Variants in RGS5 observed in about 807,000 individuals in gnomAD.
The protein encoded by RGS5 is regulator of G-protein signalling 5.
Under a neutral mutation model 18.9 loss-of-function variants are expected in RGS5, and 20 were observed. The ratio of observed to expected loss-of-function variants is 1.06; its 90% CI spans 0.74 to 1.54. RGS5 has a LOEUF of 1.54. Among genes scored for constraint, RGS5 ranks in the 40% most tolerant of loss-of-function variants. The probability of loss-of-function intolerance (pLI) is 0.00; values close to 1 mark genes in which losing one functional copy is unlikely to be tolerated. For synonymous variants in RGS5, 57 were observed against 76.2 expected, an observed-to-expected ratio of 0.75 and a Z score of 1.31; for missense variants, 201 against 211.8, an observed-to-expected ratio of 0.95 and a Z score of 0.32.
chr1:163,270,935 A>G (rs773331574), intron 2 of RGS5, among the ~76,000 whole-genome samples: 21 of 152,168 alleles, frequency 1.4e-4, no homozygotes, highest in Non-Finnish European at 2.6e-4. Flanking sequence ...GGTTTTTTAA[A>G]GCTTTTTAAA....
intron 2 of RGS5, among the ~76,000 whole-genome samples, chr1:163,305,919 C>A (rs1649685221): frequency 6.6e-6 from 1 of 152,180 alleles, no homozygotes; most frequent in South Asian, 2.1e-4. Context: ...CTGCTGCTGG[C>A]ATATAGCTAC....
chr1:163,279,597 C>T (rs2101717608), intron 2 of RGS5, among the ~76,000 whole-genome samples: 1 of 151,886 alleles, frequency 6.6e-6, no homozygotes, highest in South Asian at 2.1e-4. Context: ...AACAAGGCAC[C>T]TCAAGGGATC....
chr1:163,172,457 C>A, intron 1 of RGS5: 1 of 1,346,836 alleles, frequency 7.4e-7, no homozygotes, highest in Non-Finnish European at 1.0e-6. Flanking sequence ...TATATCACTG[C>A]TTAAATAGAG....
At chr1:163,213,713 G>A (rs1009975362) in intron 1 of RGS5, among the ~76,000 whole-genome samples, 5 of 152,040 alleles carry the variant, frequency 3.3e-5, no homozygotes, top group Non-Finnish European at 7.4e-5. Context: ...TTCCTCCTAC[G>A]CTCCAAGAAC....
chr1:163,288,879 G>T (rs1649210957), intron 2 of RGS5, among the ~76,000 whole-genome samples: 1 of 152,084 alleles, frequency 6.6e-6, no homozygotes, highest in Non-Finnish European at 1.5e-5. Context: ...AACACCATCT[G>T]TACTCAATTA....
chr1:163,183,646 G>A (rs541515886), intron 1 of RGS5, among the ~76,000 whole-genome samples: 1 of 152,158 alleles, frequency 6.6e-6, no homozygotes, highest in Non-Finnish European at 1.5e-5. Flanking sequence ...ATTATGCTAA[G>A]AATTAAATTA....
At chr1:163,279,008 A>G (rs372636368) in intron 2 of RGS5, among the ~76,000 whole-genome samples, 4 of 152,194 alleles carry the variant, frequency 2.6e-5, no homozygotes, top group African/African-American at 9.6e-5. Flanking sequence ...AAATACATGC[A>G]TCCAGAGATA....
At chr1:163,158,460 C>T (rs1054119396) in intron 3 of RGS5, among the ~76,000 whole-genome samples, 1 of 152,016 alleles carries the variant, frequency 6.6e-6, no homozygotes, top group African/African-American at 2.4e-5. Flanking sequence ...TTCTATTTTC[C>T]CTAAGTGTCA....
chr1:163,164,816 G>T (rs919567647), intron 2 of RGS5, among the ~76,000 whole-genome samples: 2 of 152,140 alleles, frequency 1.3e-5, no homozygotes, highest in African/African-American at 4.8e-5. Flanking sequence ...TTTTTTGTTT[G>T]TTTTTGTTTT....
intron 2 of RGS5, chr1:163,267,372 C>T (rs1648596934): frequency 6.6e-6 from 1 of 152,082 alleles, no homozygotes; most frequent in African/African-American, 2.4e-5. Context: ...GTTGGTTAAG[C>T]CACTCAGTCT....
At chr1:163,316,242 T>C (rs947186141) in intron 1 of RGS5, among the ~76,000 whole-genome samples, 9 of 152,334 alleles carry the variant, frequency 5.9e-5, no homozygotes, top group South Asian at 2.1e-4. Context: ...TGTTGGCTGA[T>C]AGGAGAGACG....
chr1:163,301,433 A>G (rs1649547643), intron 2 of RGS5, among the ~76,000 whole-genome samples: 1 of 152,124 alleles, frequency 6.6e-6, no homozygotes, highest in Non-Finnish European at 1.5e-5. Flanking sequence ...CTTGGGTTCA[A>G]GTGGTCATCC....
chr1:163,264,847 T>G (rs142194160), intron 2 of RGS5, among the ~76,000 whole-genome samples: 229 of 152,216 alleles, frequency 1.5e-3, no homozygotes, highest in African/African-American at 5.2e-3. Context: ...GATGACTTCT[T>G]TTTCTAGCCA....
intron 3 of RGS5, among the ~76,000 whole-genome samples, chr1:163,153,017 A>C (rs2102383990): frequency 6.6e-6 from 1 of 152,338 alleles, no homozygotes; most frequent in South Asian, 2.1e-4. Flanking sequence ...ATGTCTATTT[A>C]AGTGACAAAC....
intron 1 of RGS5, among the ~76,000 whole-genome samples, chr1:163,173,242 T>C (rs1282216274): frequency 2.0e-5 from 3 of 152,236 alleles, no homozygotes; most frequent in Admixed American, 6.5e-5. Context: ...CCTCCTCTTG[T>C]TATTCTTTTG....
At chr1:163,210,060 G>A (rs1353459344) in intron 1 of RGS5, among the ~76,000 whole-genome samples, 1 of 151,864 alleles carries the variant, frequency 6.6e-6, no homozygotes, top group Non-Finnish European at 1.5e-5. Flanking sequence ...TGCAATCTCA[G>A]CTCACTATAA....
At chr1:163,253,030 T>C (rs968204799) in intron 2 of RGS5, among the ~76,000 whole-genome samples, 1 of 152,202 alleles carries the variant, frequency 6.6e-6, no homozygotes, top group Admixed American at 6.5e-5. Flanking sequence ...GGATACTGAT[T>C]GGGAACACTA....
intron 2 of RGS5, among the ~76,000 whole-genome samples, chr1:163,166,802 A>C (rs530277624): frequency 6.6e-6 from 1 of 152,350 alleles, no homozygotes; most frequent in Non-Finnish European, 1.5e-5. Flanking sequence ...CAACAGTTTA[A>C]GGGTCTATGT....
intron 2 of RGS5, among the ~76,000 whole-genome samples, chr1:163,271,338 A>T (rs1648711537): frequency 6.6e-6 from 1 of 152,142 alleles, no homozygotes; most frequent in African/African-American, 2.4e-5. Flanking sequence ...ACTTAGATTT[A>T]GATGATGTCA....
Sources: gnomAD v4.1 joint callset for allele counts (sites outside exome capture counted in the v4.1 genomes callset) on GRCh38, gnomAD v4.1.1 for gene constraint, MANE v1.5 for transcripts, NCBI Gene and HGNC (gene_info 2026-07-23, HGNC 2026-07-21) for gene names.